The following NTN4 variants were observed in gnomAD, a reference collection of about 807,000 sequenced individuals.
NTN4 encodes the protein netrin-4.
Under a neutral mutation model 73.6 loss-of-function variants are expected in NTN4, and 32 were observed. The ratio of observed to expected loss-of-function variants is 0.44; its 90% CI spans 0.33 to 0.58. The LOEUF (loss-of-function observed/expected upper bound fraction) is 0.58, where lower values mean the gene tolerates loss of function less well. Ranked by LOEUF, NTN4 falls within the 20% of genes least tolerant of loss-of-function variation. NTN4 has a pLI of 0.04. For synonymous variants in NTN4, 258 were observed against 287.5 expected (o/e 0.90, Z 1.04); for missense variants, 654 against 798.3 (o/e 0.82, Z 2.18).
intron 3 of NTN4, among the ~76,000 whole-genome samples, chr12:95,720,724 C>T (rs1021202755): frequency 6.6e-6 from 1 of 152,090 alleles, no homozygotes; most frequent in African/African-American, 2.4e-5. Context: ...CAGGTTTATA[C>T]CTGGGCAAGG....
chr12:95,749,506 A>G (rs983616644), intron 2 of NTN4, among the ~76,000 whole-genome samples: 18 of 151,976 alleles, frequency 1.2e-4, no homozygotes, highest in Non-Finnish European at 2.6e-4. Context: ...CCACTCTTCA[A>G]TCTCTCCCTT....
intron 5 of NTN4, among the ~76,000 whole-genome samples, chr12:95,697,605 G>T (rs1232411150): frequency 6.7e-6 from 1 of 150,000 alleles, no homozygotes; most frequent in African/African-American, 2.5e-5. Context: ...AGTAAGCAGG[G>T]CCTTACAAAA....
At chr12:95,739,534 C>T (rs1176252726) in intron 2 of NTN4, among the ~76,000 whole-genome samples, 1 of 152,098 alleles carries the variant, frequency 6.6e-6, no homozygotes, top group African/African-American at 2.4e-5. Context: ...TTTTCTGTTT[C>T]GAAGCATTTT....
chr12:95,678,616 A>C (rs2078292684), intron 7 of NTN4, among the ~76,000 whole-genome samples: 1 of 152,102 alleles, frequency 6.6e-6, no homozygotes, highest in East Asian at 1.9e-4. Context: ...AAAACATTGT[A>C]CTGCAGTAAA....
intron 5 of NTN4, among the ~76,000 whole-genome samples, chr12:95,685,159 T>A (rs556661116): frequency 6.6e-6 from 1 of 152,328 alleles, no homozygotes; most frequent in East Asian, 1.9e-4. Flanking sequence ...CGTGAGCCAC[T>A]GTGCCTAGCC....
chr12:95,718,035 G>C (rs1333344021), intron 3 of NTN4, among the ~76,000 whole-genome samples: 1 of 152,126 alleles, frequency 6.6e-6, no homozygotes, highest in Admixed American at 6.6e-5. Context: ...TATCTTACAG[G>C]AAGGGACTCA....
intron 2 of NTN4, among the ~76,000 whole-genome samples, chr12:95,745,289 C>T (rs1300146137): frequency 6.6e-6 from 1 of 152,088 alleles, no homozygotes; most frequent in Non-Finnish European, 1.5e-5. Flanking sequence ...CTACATGTAC[C>T]AAATTGCCTG....
intron 2 of NTN4, among the ~76,000 whole-genome samples, chr12:95,782,264 T>C (rs7959421): frequency 0.85 from 129,473 of 152,080 alleles, 55,505 homozygotes; most frequent in African/African-American, 0.91. Context: ...AAAACTGACA[T>C]GAGCCTTACC....
At chr12:95,735,741 G>C (rs774008483) in intron 3 of NTN4, among the ~76,000 whole-genome samples, 3 of 151,968 alleles carry the variant, frequency 2.0e-5, no homozygotes, top group Non-Finnish European at 2.9e-5. Flanking sequence ...TGTTAGCTTT[G>C]AGTAATTATC....
chr12:95,776,456 A>C (rs989266725), intron 2 of NTN4, among the ~76,000 whole-genome samples: 1 of 152,230 alleles, frequency 6.6e-6, no homozygotes, highest in Non-Finnish European at 1.5e-5. Flanking sequence ...CAATGTAGAG[A>C]AGTCCTTAAA....
At chr12:95,669,146 T>A (rs936897143) in intron 8 of NTN4, among the ~76,000 whole-genome samples, 5 of 150,872 alleles carry the variant, frequency 3.3e-5, no homozygotes, top group African/African-American at 4.9e-5. Flanking sequence ...AGGTGGAGGT[T>A]GCAGTGAGTC....
chr12:95,719,312 T>C (rs770349023), intron 3 of NTN4, among the ~76,000 whole-genome samples: 8 of 152,050 alleles, frequency 5.3e-5, no homozygotes, highest in Non-Finnish European at 7.4e-5. Flanking sequence ...ATGGGAACTT[T>C]AAAAAAATGT....
chr12:95,702,148 CG>C (rs1046273409), intron 5 of NTN4, among the ~76,000 whole-genome samples: 75 of 151,888 alleles, frequency 4.9e-4, no homozygotes, highest in African/African-American at 1.8e-3. Flanking sequence ...GGTGTGGTGA[CG>C]AGCACCTGTA....
intron 2 of NTN4, among the ~76,000 whole-genome samples, chr12:95,742,858 A>G (rs916786643): frequency 3.3e-5 from 5 of 152,176 alleles, no homozygotes; most frequent in Admixed American, 3.3e-4. Context: ...TGAATCAACT[A>G]TTTCTCCAAG....
At chr12:95,753,839 C>G (rs2078927955) in intron 2 of NTN4, among the ~76,000 whole-genome samples, 2 of 152,024 alleles carry the variant, frequency 1.3e-5, no homozygotes, top group African/African-American at 4.8e-5. Context: ...TTTATTAGGC[C>G]CCAGTCTCAT....
intron 2 of NTN4, among the ~76,000 whole-genome samples, chr12:95,785,853 C>G (rs925642242): frequency 4.6e-5 from 7 of 152,176 alleles, no homozygotes; most frequent in Non-Finnish European, 8.8e-5. Context: ...GCCTAATCGT[C>G]CAGGCTGTCT....
At chr12:95,780,270 CA>C (rs2079122804) in intron 2 of NTN4, among the ~76,000 whole-genome samples, 1 of 152,170 alleles carries the variant, frequency 6.6e-6, no homozygotes, top group South Asian at 2.1e-4. Flanking sequence ...ACACCAAAAG[CA>C]ATGGCAACAA....
chr12:95,663,012 C>T (rs527935992), intron 9 of NTN4, among the ~76,000 whole-genome samples: 71 of 152,034 alleles, frequency 4.7e-4, no homozygotes, highest in African/African-American at 1.6e-3. Flanking sequence ...CCTAGCTACT[C>T]AAGAGGCTGA....
At chr12:95,738,970 C>G (rs762081767) in intron 2 of NTN4, among the ~76,000 whole-genome samples, 2 of 152,154 alleles carry the variant, frequency 1.3e-5, no homozygotes, top group Non-Finnish European at 2.9e-5. Context: ...CTCCTCAGAA[C>G]AAGATGCAAG....
Sources: gnomAD v4.1 joint callset for allele counts (sites outside exome capture counted in the v4.1 genomes callset) on GRCh38, gnomAD v4.1.1 for gene constraint, MANE v1.5 for transcripts, NCBI Gene and HGNC (gene_info 2026-07-23, HGNC 2026-07-21) for gene names.